FAM221A: variants seen among roughly 807,000 people sequenced by gnomAD.
The protein encoded by FAM221A is family with sequence similarity 221 member A.
FAM221A carries 43 observed loss-of-function variants against 37.6 expected under a neutral mutation model. The ratio of observed to expected loss-of-function variants is 1.15; its 90% confidence interval spans 0.90 to 1.48. The LOEUF (loss-of-function observed/expected upper bound fraction) is 1.48, where lower values mean the gene tolerates loss of function less well. Ranked by LOEUF, FAM221A falls within the 40% of genes most tolerant of loss-of-function variation. The probability of loss-of-function intolerance (pLI) is 0.00; values close to 1 mark genes in which losing one functional copy is unlikely to be tolerated. For synonymous variants in FAM221A, 135 were observed against 132.9 expected (o/e 1.02, Z -0.11); for missense variants, 361 against 361.5 (o/e 1.00, Z 0.01).
intron 1 of FAM221A, among the ~76,000 whole-genome samples, chr7:23,683,407 A>G (rs925565097): frequency 2.6e-5 from 4 of 152,204 alleles, no homozygotes; most frequent in African/African-American, 9.7e-5. Context: ...CATTAGTTTA[A>G]ACCCCTGGCC....
At chr7:23,696,779 T>G (rs1308370102) in intron 4 of FAM221A, among the ~76,000 whole-genome samples, 1 of 152,150 alleles carries the variant, frequency 6.6e-6, no homozygotes, top group Non-Finnish European at 1.5e-5. Context: ...TTGTTCTGAT[T>G]TCAGGTATAG....
intron 4 of FAM221A, chr7:23,693,623 G>A (rs773165606): frequency 6.6e-6 from 1 of 151,392 alleles, no homozygotes. Flanking sequence ...AAATTTTGGA[G>A]ACAGTCCTTT....
chr7:23,696,587 A>G (rs1379766641), intron 4 of FAM221A, among the ~76,000 whole-genome samples: 2 of 152,136 alleles, frequency 1.3e-5, no homozygotes. Context: ...AAAATGTTAC[A>G]CTTTTATAGG....
At position 23,702,088 on chromosome 7, in the gene FAM221A, A is replaced by C. The variant is rs1785494851; in HGVS notation, c.829-8A>C. On this transcript the variant is annotated splice_polypyrimidine_tract_variant and splice_region_variant and intron_variant, in intron 6 of 6. Coordinates refer to ENST00000344962, the MANE Select transcript of FAM221A (RefSeq NM_199136.5). ...GTTATTATATCAATAAATATGTTAAATTTACAGATGAAAATGGAAAAGGCT... is the reference window on the plus strand; with the variant it reads ...GTTATTATATCAATAAATATGTTAACTTTACAGATGAAAATGGAAAAGGCT... 6.3e-7 allele frequency: 1 copy of C among 1,580,588 alleles called. No homozygotes were observed. Among genetic ancestry groups the C allele is most frequent in the Non-Finnish European group, 8.6e-7 (1 of 1,161,674 alleles).
In FAM221A at chr7:23,702,173, G is replaced by A. The variant is rs1785502023; in HGVS notation, c.*9G>A. 3 of 1,555,842 alleles carry A rather than the reference G, an allele frequency of 1.9e-6. No individual in the cohort carries two copies. The highest frequency in any genetic ancestry group is 2.6e-6 in the Non-Finnish European group (3 of 1,144,590). On this transcript the variant is annotated 3_prime_UTR_variant, in exon 7 of 7. Transcript: ENST00000344962. The stretch of plus-strand genomic sequence containing the variant: ...CTACAAAACCTTCATGAAGACTATT[G>A]GAGAAATTAAAACCATCATCCAAGT...
intron 1 of FAM221A, among the ~76,000 whole-genome samples, chr7:23,681,854 G>A (rs191008316): frequency 9.2e-5 from 14 of 152,306 alleles, no homozygotes; most frequent in Admixed American, 4.6e-4. Flanking sequence ...GGGAAGGTGG[G>A]GTGGGAAGAT....
rs756281093 is a variant in FAM221A, at chr7:23,689,353, C to G, written c.324C>G (p.Cys108Trp). The G allele has an allele frequency of 6.2e-6, 10 of 1,607,158 alleles. No homozygotes were observed. The Admixed American group carries it at 1.0e-4, about 16-fold the overall frequency. The change falls in exon 3 of 7, where the codon TGC becomes TGG. Residue 108 changes from cysteine to tryptophan, a missense_variant. Coordinates refer to ENST00000344962, the MANE Select transcript of FAM221A (RefSeq NM_199136.5). ...CCTGCCAAGTGACTGGCTGCCAGTG[C>G]AGGGCTTACCTTTATGTCCCCTTGA... is the stretch of plus-strand genomic sequence containing the variant. ...DLPCQVTGCQ[C>W]RAYLYVPLNG...
intron 2 of FAM221A, 111 bp from the exon 3 acceptor site, chr7:23,689,158 A>G: frequency 1.5e-6 from 1 of 664,974 alleles, no homozygotes; most frequent in East Asian, 2.7e-5. Context: ...TATGAAGAAT[A>G]ATAAAGCAAT....
At chr7:23,685,686 C>T (rs932417690) in intron 2 of FAM221A, among the ~76,000 whole-genome samples, 1 of 152,214 alleles carries the variant, frequency 6.6e-6, no homozygotes, top group African/African-American at 2.4e-5. Flanking sequence ...CACTGCTTTG[C>T]ATTACAAATG....
At chr7:23,697,954 C>T (rs959399239) in intron 4 of FAM221A, among the ~76,000 whole-genome samples, 6 of 151,502 alleles carry the variant, frequency 4.0e-5, no homozygotes, top group African/African-American at 1.5e-4. Context: ...GAGATGGGGT[C>T]TCCCTATGTT....
chr7:23,681,739 G>T (rs1484442207), intron 1 of FAM221A, among the ~76,000 whole-genome samples: 3 of 152,182 alleles, frequency 2.0e-5, no homozygotes, highest in African/African-American at 7.2e-5. Context: ...TAAATAACTT[G>T]CAACACTTCC....
intron 2 of FAM221A, chr7:23,686,381 A>G (rs1220198782): frequency 5.9e-6 from 2 of 337,364 alleles, no homozygotes; most frequent in African/African-American, 2.3e-5. Context: ...CTTCGACCTC[A>G]GCCTCCCAAG....
chr7:23,692,120 C>T (rs1346265940), intron 4 of FAM221A: 1 of 756,110 alleles, frequency 1.3e-6, no homozygotes, highest in African/African-American at 1.9e-5. Flanking sequence ...TATCTTCTTG[C>T]ATACATATAT....
At chr7:23,683,141 C>T (rs1784160861) in intron 1 of FAM221A, among the ~76,000 whole-genome samples, 3 of 152,280 alleles carry the variant, frequency 2.0e-5, no homozygotes, top group Non-Finnish European at 4.4e-5. Flanking sequence ...CCACAAACAT[C>T]ACTTTTTGTG....
intron 1 of FAM221A, among the ~76,000 whole-genome samples, chr7:23,681,368 G>A (rs895945974): frequency 1.3e-5 from 2 of 152,114 alleles, no homozygotes; most frequent in Non-Finnish European, 2.9e-5. Context: ...GCCTAGCTCC[G>A]AACATGTTAG....
At chr7:23,683,069 C>T (rs979654455) in intron 1 of FAM221A, among the ~76,000 whole-genome samples, 6 of 151,744 alleles carry the variant, frequency 4.0e-5, no homozygotes, top group East Asian at 1.9e-4. Flanking sequence ...TATTTTCTAC[C>T]GCAGCTAAAG....
Position 23,702,464 on chromosome 7 carries a change from T to C in FAM221A, c.*300T>C, listed in dbSNP as rs557549359. On this transcript the variant is annotated 3_prime_UTR_variant, in exon 7 of 7. Coordinates refer to ENST00000344962, the MANE Select transcript of FAM221A (RefSeq NM_199136.5). ...CATAATAATTTAACTGTTTCAGGTA[T>C]TTAAAAAATTAAAGATATTATCAAG... is the stretch of plus-strand genomic sequence containing the variant. The C allele has an allele frequency of 8.9e-4, 159 of 178,814 alleles. No individual in the cohort carries two copies. Among genetic ancestry groups the C allele is most frequent in the African/African-American group, 3.6e-3 (153 of 42,650 alleles). The allele number at this position is 178,814 out of a possible 1,614,324, so 11.1% of individuals were successfully genotyped here. A position where few individuals can be genotyped will look rare whatever the true frequency, so the allele number is the denominator to read the frequency against.
At chr7:23,701,309 G>T (rs1403459449) in intron 6 of FAM221A, among the ~76,000 whole-genome samples, 1 of 145,516 alleles carries the variant, frequency 6.9e-6, no homozygotes. Context: ...GCGCGATCTC[G>T]GCTCACTGCA....
intron 1 of FAM221A, among the ~76,000 whole-genome samples, chr7:23,682,506 A>T (rs950976221): frequency 2.0e-5 from 3 of 149,394 alleles, no homozygotes; most frequent in African/African-American, 7.4e-5. Flanking sequence ...ATCTCAGCTC[A>T]CTGTAACCTC....
Sources: allele counts gnomAD v4.1 joint callset (sites outside exome capture counted in the v4.1 genomes callset), GRCh38; gene constraint gnomAD v4.1.1; transcripts MANE v1.5; gene names NCBI Gene and HGNC (gene_info 2026-07-23, HGNC 2026-07-21).